SASH1: variants seen among roughly 807,000 people sequenced by gnomAD.
SASH1 encodes SAM and SH3 domain containing 1.
Under a neutral mutation model 125.2 loss-of-function variants are expected in SASH1, and 44 were observed. That is an observed-to-expected ratio of 0.35 (90% CI 0.28 to 0.45). The LOEUF is 0.45. Ranked by LOEUF, SASH1 falls within the 20% of genes least tolerant of loss-of-function variation. The pLI is 1.00. For synonymous variants in SASH1, 639 were observed against 649.1 expected (o/e 0.98, Z 0.24); for missense variants, 1,426 against 1,614.5 (o/e 0.88, Z 2.00).
the SASH1 span, among the ~76,000 whole-genome samples, chr6:148,218,757 A>G: frequency 6.6e-6 from 1 of 152,190 alleles, no homozygotes; most frequent in Non-Finnish European, 1.5e-5. Context: ...ATTTAAATCC[A>G]GGCAGTTCAG....
the SASH1 span, among the ~76,000 whole-genome samples, chr6:148,238,264 C>T: frequency 6.6e-6 from 1 of 151,980 alleles, no homozygotes; most frequent in Non-Finnish European, 1.5e-5. Context: ...CTCTCTATTG[C>T]TCAGGCTGGA....
At chr6:148,447,042 C>T (rs1776826827) in intron 4 of SASH1, among the ~76,000 whole-genome samples, 1 of 152,208 alleles carries the variant, frequency 6.6e-6, no homozygotes, top group Non-Finnish European at 1.5e-5. Flanking sequence ...AAAATAGGAG[C>T]AAATTCTACC....
At chr6:148,369,021 C>T (rs1782602746) in intron 1 of SASH1, among the ~76,000 whole-genome samples, 1 of 152,186 alleles carries the variant, frequency 6.6e-6, no homozygotes, top group Admixed American at 6.5e-5. Flanking sequence ...TAAATGCCTG[C>T]CTTGTGCAAC....
chr6:148,289,740 T>C (rs2128508318), intron 1 of SASH1, among the ~76,000 whole-genome samples: 1 of 152,276 alleles, frequency 6.6e-6, no homozygotes. Flanking sequence ...TGCAGTCCCC[T>C]TTGATAAATA....
At chr6:148,349,252 C>CTTT (rs11317386) in intron 1 of SASH1, among the ~76,000 whole-genome samples, 721 of 46,946 alleles carry the variant, frequency 0.015, 3 homozygotes, top group Middle Eastern at 0.022. Flanking sequence ...TTCTTTCTTT[C>CTTT]TTTTTTTTTT....
the SASH1 span, among the ~76,000 whole-genome samples, chr6:148,243,380 G>A: frequency 5.9e-5 from 9 of 151,778 alleles, no homozygotes; most frequent in Admixed American, 5.9e-4. Flanking sequence ...AACCTGGGAG[G>A]TGGAGGTTGA....
At chr6:148,512,700 T>G (rs1780215166) in intron 8 of SASH1, 1 of 985,238 alleles carries the variant, frequency 1.0e-6, no homozygotes, top group Admixed American at 6.2e-5. Flanking sequence ...TACCTGGGAG[T>G]CCAGTTCCCA....
the SASH1 span, among the ~76,000 whole-genome samples, chr6:148,203,642 C>T: frequency 6.6e-6 from 1 of 152,116 alleles, no homozygotes; most frequent in Non-Finnish European, 1.5e-5. Context: ...TGTGTGAGTC[C>T]TTTCTGCCAC....
chr6:148,370,098 A>G (rs1347173125), intron 1 of SASH1, among the ~76,000 whole-genome samples: 2 of 151,474 alleles, frequency 1.3e-5, no homozygotes, highest in Admixed American at 1.3e-4. Context: ...TCTCTTTTGT[A>G]AGTGGAAGGC....
chr6:148,205,753 G>A, the SASH1 span, among the ~76,000 whole-genome samples: 6 of 152,134 alleles, frequency 3.9e-5, no homozygotes, highest in South Asian at 2.1e-4. Flanking sequence ...TGTCTGGTGG[G>A]CCTGGACTGA....
At chr6:148,467,088 C>CTTTTTTTTTTTTTTTTT (rs71004298) in intron 4 of SASH1, among the ~76,000 whole-genome samples, 1 of 69,938 alleles carries the variant, frequency 1.4e-5, no homozygotes, top group Non-Finnish European at 2.4e-5. Context: ...TTCCCTGTTC[C>CTTTTTTTTTTTTTTTTT]TTTTTTTTTT....
Position 148,421,215 on chromosome 6 carries a change from A to AAAAG in SASH1, c.286-18958_286-18955dup, listed in dbSNP as rs1255646025. 8.0e-5 allele frequency among the ~76,000 whole-genome samples: 10 copies of AAAAG among 125,516 alleles called. No homozygotes were observed. In the South Asian group the frequency reaches 1.3e-3, roughly 16 times the overall value. 82.3% of individuals were successfully genotyped at this position (125,516 alleles called of 152,430 possible). On this transcript the variant is annotated intron_variant, in intron 2 of 19. Coordinates refer to ENST00000367467, the MANE Select transcript of SASH1 (RefSeq NM_015278.5). ...AAAGAAAGAAAGAAAGAAAGAAAGAAAAAGAAAGAAAGAAGGAAGTGACTA... is the reference window on the plus strand; with the variant it reads ...AAAGAAAGAAAGAAAGAAAGAAAGAAAAAGAAAGAAAGAAAGAAGGAAGTGACTA...
At chr6:148,539,580 G>T (rs1782092665) in intron 16 of SASH1, among the ~76,000 whole-genome samples, 1 of 152,084 alleles carries the variant, frequency 6.6e-6, no homozygotes, top group Non-Finnish European at 1.5e-5. Flanking sequence ...TATAGGTACT[G>T]CATTTTCTTT....
chr6:148,488,609 C>T (rs1778975318), intron 8 of SASH1, among the ~76,000 whole-genome samples: 1 of 152,230 alleles, frequency 6.6e-6, no homozygotes. Context: ...GTTTTACCTT[C>T]CTGCCAACAA....
chr6:148,510,982 C>A (rs1351259509), intron 8 of SASH1, among the ~76,000 whole-genome samples: 2 of 121,818 alleles, frequency 1.6e-5, no homozygotes, highest in African/African-American at 6.5e-5. Context: ...GGAGACAGAG[C>A]GAGACTCCAT....
chr6:148,321,235 C>CA (rs11391169), intron 1 of SASH1, among the ~76,000 whole-genome samples: 86,179 of 151,640 alleles, frequency 0.57, 24,831 homozygotes, highest in Middle Eastern at 0.76. Context: ...CTACTAAATA[C>CA]AAAAAATGAG....
At chr6:148,478,774 A>G (rs1400850757) in intron 7 of SASH1, 1 of 154,090 alleles carries the variant, frequency 6.5e-6, no homozygotes, top group Non-Finnish European at 1.5e-5. Context: ...CCTCCTGTCC[A>G]TGCTGCTCAT....
At chr6:148,298,695 AAGG>A (rs1562312178) in intron 1 of SASH1, among the ~76,000 whole-genome samples, 7 of 85,404 alleles carry the variant, frequency 8.2e-5, no homozygotes, top group African/African-American at 3.2e-4. Flanking sequence ...GGAAGGAAGG[AAGG>A]AAGGAAGGAA....
At chr6:148,498,280 G>A (rs1779402222) in intron 8 of SASH1, among the ~76,000 whole-genome samples, 1 of 151,608 alleles carries the variant, frequency 6.6e-6, no homozygotes, top group Non-Finnish European at 1.5e-5. Context: ...GCATAGTAGT[G>A]TGCATCTGTA....
Sources: allele counts gnomAD v4.1 joint callset (sites outside exome capture counted in the v4.1 genomes callset), GRCh38; gene constraint gnomAD v4.1.1; transcripts MANE v1.5; gene names NCBI Gene and HGNC (gene_info 2026-07-23, HGNC 2026-07-21).